The following SPATA6 variants were observed in gnomAD, a reference collection of about 807,000 sequenced individuals.
The protein encoded by SPATA6 is spermatogenesis associated 6, also known as spermatogenesis-associated protein 6.
A neutral mutation model predicts 65.3 loss-of-function variants in SPATA6; 56 were observed. The observed-to-expected ratio is 0.86, with a 90% CI of 0.69 to 1.07. The LOEUF (loss-of-function observed/expected upper bound fraction) is 1.07. SPATA6 is among the 50% of genes least tolerant of loss of function. The pLI, the probability that SPATA6 is intolerant of heterozygous loss-of-function variation, is 0.00. For missense variants in SPATA6, 590 were observed against 594.8 expected, an observed-to-expected ratio of 0.99 and a Z score of 0.08; for synonymous variants, 199 against 213.2, an observed-to-expected ratio of 0.93 and a Z score of 0.58.
intron 9 of SPATA6, among the ~76,000 whole-genome samples, chr1:48,368,841 A>G (rs1355973368): frequency 6.6e-6 from 1 of 152,224 alleles, no homozygotes; most frequent in Non-Finnish European, 1.5e-5. Flanking sequence ...CTGGTGAGGA[A>G]CTGCATTCCT....
At chr1:48,331,283 C>T (rs1012739100) in intron 11 of SPATA6, among the ~76,000 whole-genome samples, 2 of 151,652 alleles carry the variant, frequency 1.3e-5, no homozygotes, top group Non-Finnish European at 2.9e-5. Context: ...TGAAGATCGT[C>T]GAGATTCAGG....
At chr1:48,431,579 T>G (rs1172168421) in intron 3 of SPATA6, among the ~76,000 whole-genome samples, 1 of 152,146 alleles carries the variant, frequency 6.6e-6, no homozygotes, top group Non-Finnish European at 1.5e-5. Flanking sequence ...ATATACAAAG[T>G]ATATTCTCTA....
the SPATA6 span, among the ~76,000 whole-genome samples, chr1:48,280,980 C>T: frequency 2.6e-5 from 4 of 152,134 alleles, no homozygotes; most frequent in Admixed American, 6.6e-5. Context: ...AAAAGCTTAT[C>T]CACCATGATC....
intron 11 of SPATA6, 51 bp downstream of exon 11, chr1:48,355,619 T>G (rs771990556): frequency 1.5e-6 from 2 of 1,329,896 alleles, no homozygotes; most frequent in Admixed American, 4.1e-5. Context: ...TCTTTGGTGG[T>G]TTTCTTGACC....
chr1:48,368,663 T>G (rs1026054051), intron 9 of SPATA6, among the ~76,000 whole-genome samples: 2 of 152,242 alleles, frequency 1.3e-5, no homozygotes, highest in Non-Finnish European at 2.9e-5. Flanking sequence ...TTTAAGCACT[T>G]CTCTGCATTG....
At chr1:48,366,512 G>A (rs1177308514) in intron 9 of SPATA6, among the ~76,000 whole-genome samples, 3 of 152,118 alleles carry the variant, frequency 2.0e-5, no homozygotes, top group African/African-American at 2.4e-5. Flanking sequence ...CTTCTTCCTG[G>A]TTTACTCTTG....
At chr1:48,334,475 T>G (rs1182505609) in intron 11 of SPATA6, among the ~76,000 whole-genome samples, 2 of 152,160 alleles carry the variant, frequency 1.3e-5, no homozygotes, top group Non-Finnish European at 2.9e-5. Context: ...CAAGGTTAGT[T>G]CAACATATGC....
the SPATA6 span, among the ~76,000 whole-genome samples, chr1:48,288,820 G>T: frequency 6.6e-6 from 1 of 152,240 alleles, no homozygotes; most frequent in Non-Finnish European, 1.5e-5. Flanking sequence ...CATTGCTGAG[G>T]CTTGAGTAGG....
chr1:48,367,091 T>C (rs575606205), intron 9 of SPATA6, among the ~76,000 whole-genome samples: 3 of 152,206 alleles, frequency 2.0e-5, no homozygotes, highest in Non-Finnish European at 2.9e-5. Context: ...TCAGTTTCCA[T>C]GTAGTTGAGT....
intron 9 of SPATA6, among the ~76,000 whole-genome samples, chr1:48,360,639 T>C (rs1646785528): frequency 6.6e-6 from 1 of 152,170 alleles, no homozygotes; most frequent in African/African-American, 2.4e-5. Flanking sequence ...TTTAAGAAAT[T>C]AATCTTTTAT....
chr1:48,409,135 GT>G (rs1176565876), intron 5 of SPATA6, among the ~76,000 whole-genome samples: 1 of 152,196 alleles, frequency 6.6e-6, no homozygotes, highest in East Asian at 1.9e-4. Context: ...TCAAAAACAA[GT>G]TAGTACTTCC....
intron 12 of SPATA6, among the ~76,000 whole-genome samples, chr1:48,303,961 G>A (rs1349459497): frequency 6.6e-6 from 1 of 152,058 alleles, no homozygotes; most frequent in Non-Finnish European, 1.5e-5. Flanking sequence ...TGTGTCAAAC[G>A]GCATCTGTAG....
chr1:48,471,603 C>G (rs1250423986), intron 1 of SPATA6, among the ~76,000 whole-genome samples: 1 of 152,134 alleles, frequency 6.6e-6, no homozygotes, highest in Non-Finnish European at 1.5e-5. Context: ...TCTAAGAGAA[C>G]TGGAGCCCGA....
chr1:48,466,527 A>T (rs1464987200), intron 1 of SPATA6, among the ~76,000 whole-genome samples: 1 of 152,130 alleles, frequency 6.6e-6, no homozygotes, highest in African/African-American at 2.4e-5. Context: ...AAAAGTGGTC[A>T]GGAAGAGGTA....
chr1:48,276,778 G>A, the SPATA6 span, among the ~76,000 whole-genome samples: 5 of 152,170 alleles, frequency 3.3e-5, no homozygotes, highest in African/African-American at 9.7e-5. Flanking sequence ...GAATGAGTAC[G>A]ATGTGGTGCT....
chr1:48,289,258 C>G, the SPATA6 span, among the ~76,000 whole-genome samples: 1 of 152,214 alleles, frequency 6.6e-6, no homozygotes, highest in Non-Finnish European at 1.5e-5. Flanking sequence ...CTCCAGCAAA[C>G]TCCAACAGAC....
chr1:48,433,423 C>A (rs1241340095), intron 3 of SPATA6, among the ~76,000 whole-genome samples: 2 of 152,058 alleles, frequency 1.3e-5, no homozygotes, highest in East Asian at 3.8e-4. Context: ...CTGGAACATA[C>A]AATATAATCT....
intron 9 of SPATA6, among the ~76,000 whole-genome samples, chr1:48,380,727 T>C (rs115854302): frequency 6.6e-6 from 1 of 152,304 alleles, no homozygotes; most frequent in African/African-American, 2.4e-5. Context: ...CTGTGTACAT[T>C]TGTGTGTAGA....
chr1:48,276,174 G>A, the SPATA6 span, among the ~76,000 whole-genome samples: 2 of 152,178 alleles, frequency 1.3e-5, no homozygotes, highest in Non-Finnish European at 2.9e-5. Flanking sequence ...TGTGAGATCA[G>A]TGGTGACATC....
Sources: allele counts gnomAD v4.1 joint callset (sites outside exome capture counted in the v4.1 genomes callset), GRCh38; gene constraint gnomAD v4.1.1; transcripts MANE v1.5; gene names NCBI Gene and HGNC (gene_info 2026-07-23, HGNC 2026-07-21).